Variants in RABGAP1L observed in about 807,000 individuals in gnomAD.
RABGAP1L encodes rab GTPase-activating protein 1-like.
Under a neutral mutation model 137.7 loss-of-function variants are expected in RABGAP1L, and 63 were observed. That is an observed-to-expected ratio of 0.46 (90% confidence interval 0.37 to 0.56). RABGAP1L has a LOEUF of 0.56. RABGAP1L is among the 20% of genes least tolerant of loss of function. The pLI, the probability that RABGAP1L is intolerant of heterozygous loss-of-function variation, is 0.00. For missense variants in RABGAP1L, 1,095 were observed against 1,244.0 expected (o/e 0.88, Z 1.80); for synonymous variants, 431 against 433.7 (o/e 0.99, Z 0.08).
intron 19 of RABGAP1L, among the ~76,000 whole-genome samples, chr1:174,885,701 C>T (rs1274594067): frequency 6.6e-6 from 1 of 151,644 alleles, no homozygotes; most frequent in Non-Finnish European, 1.5e-5. Flanking sequence ...GGCGTAGTTG[C>T]TCACGCCTGT....
At chr1:174,988,920 T>C in intron 25 of RABGAP1L, 82 bp downstream of exon 25, 2 of 1,267,546 alleles carry the variant, frequency 1.6e-6, no homozygotes, top group Non-Finnish European at 2.1e-6. Flanking sequence ...AATACACCTA[T>C]CTAGGTCAGA....
At chr1:174,729,711 T>A (rs1682300404) in intron 17 of RABGAP1L, among the ~76,000 whole-genome samples, 1 of 151,960 alleles carries the variant, frequency 6.6e-6, no homozygotes, top group Non-Finnish European at 1.5e-5. Context: ...CCAAAAGACA[T>A]GAAAAAATGC....
intron 13 of RABGAP1L, among the ~76,000 whole-genome samples, chr1:174,581,286 C>T (rs753092411): frequency 6.6e-6 from 1 of 152,092 alleles, no homozygotes; most frequent in African/African-American, 2.4e-5. Flanking sequence ...TCATAAAGTG[C>T]TGAAGAAATA....
chr1:174,904,996 C>T (rs188558969), intron 19 of RABGAP1L, among the ~76,000 whole-genome samples: 147 of 152,240 alleles, frequency 9.7e-4, no homozygotes, highest in African/African-American at 3.4e-3. Flanking sequence ...CCTTCTCACA[C>T]TGCTGGGATA....
chr1:174,616,220 G>C (rs980578052), intron 13 of RABGAP1L, among the ~76,000 whole-genome samples: 5 of 152,268 alleles, frequency 3.3e-5, no homozygotes, highest in Middle Eastern at 3.4e-3. Context: ...GCCATTTTGG[G>C]TGCCCCCCGT....
chr1:174,255,253 T>C (rs890969779), intron 7 of RABGAP1L, among the ~76,000 whole-genome samples: 4 of 152,322 alleles, frequency 2.6e-5, no homozygotes, highest in South Asian at 4.1e-4. Flanking sequence ...GCTGAAGATA[T>C]CGTATTTTTG....
At chr1:174,524,192 G>T (rs1663672814) in intron 13 of RABGAP1L, among the ~76,000 whole-genome samples, 1 of 147,872 alleles carries the variant, frequency 6.8e-6, no homozygotes, top group Non-Finnish European at 1.5e-5. Context: ...TATTGTTGTT[G>T]TTGTTGTTGT....
chr1:174,576,579 G>A (rs746105525), intron 13 of RABGAP1L, among the ~76,000 whole-genome samples: 1 of 152,100 alleles, frequency 6.6e-6, no homozygotes, highest in Admixed American at 6.5e-5. Flanking sequence ...ATAATCAGAA[G>A]CATTTCATCT....
At chr1:174,554,128 T>C (rs1666729352) in intron 13 of RABGAP1L, among the ~76,000 whole-genome samples, 1 of 152,196 alleles carries the variant, frequency 6.6e-6, no homozygotes, top group South Asian at 2.1e-4. Flanking sequence ...TGAAAATGAA[T>C]TGATTTAAGG....
At position 174,820,846 on chromosome 1, in the gene RABGAP1L, G is replaced by A. The variant is rs116026255; in HGVS notation, c.2340+8886G>A. 3.5e-3 allele frequency among the ~76,000 whole-genome samples: 527 copies of A among 151,976 alleles called. 2 individuals are homozygous for A. Among genetic ancestry groups the A allele is most frequent in the Non-Finnish European group, 5.1e-3 (346 of 67,952 alleles). On this transcript the variant is annotated intron_variant, in intron 19 of 25. Transcript: ENST00000681986. ...AGCCTGGCCAACATGGTGAAAACCC[G>A]TATCTACTAAAATACAAAAATTTCC...
chr1:174,513,849 A>G (rs1461000210), intron 13 of RABGAP1L, among the ~76,000 whole-genome samples: 1 of 152,206 alleles, frequency 6.6e-6, no homozygotes, highest in Non-Finnish European at 1.5e-5. Flanking sequence ...TATAGTACAA[A>G]TAACATCTTT....
chr1:174,196,373 G>A (rs532041472), intron 1 of RABGAP1L, among the ~76,000 whole-genome samples: 55 of 151,268 alleles, frequency 3.6e-4, no homozygotes, highest in Non-Finnish European at 6.3e-4. Flanking sequence ...ACAGGTGCCC[G>A]CCACCACGCC....
intron 13 of RABGAP1L, among the ~76,000 whole-genome samples, chr1:174,611,308 A>C (rs555705236): frequency 0.14 from 21,430 of 151,544 alleles, 5,105 homozygotes; most frequent in African/African-American, 0.49. Context: ...TTTATTAAAT[A>C]GGGAATCCTT....
chr1:174,552,628 A>G (rs1666626204), intron 13 of RABGAP1L, among the ~76,000 whole-genome samples: 1 of 152,184 alleles, frequency 6.6e-6, no homozygotes, highest in Non-Finnish European at 1.5e-5. Flanking sequence ...TCTATCACTG[A>G]TGGGCATTTA....
intron 13 of RABGAP1L, among the ~76,000 whole-genome samples, chr1:174,456,346 C>G (rs1656037560): frequency 6.6e-6 from 1 of 152,050 alleles, no homozygotes; most frequent in African/African-American, 2.4e-5. Context: ...ATTCTAAACA[C>G]TATAACCTTA....
intron 19 of RABGAP1L, among the ~76,000 whole-genome samples, chr1:174,916,891 T>A (rs1660970950): frequency 6.6e-6 from 1 of 152,226 alleles, no homozygotes; most frequent in South Asian, 2.1e-4. Context: ...CAACTCGGAC[T>A]GCCATAACCA....
At chr1:174,317,401 G>A (rs1679482019) in intron 11 of RABGAP1L, among the ~76,000 whole-genome samples, 2 of 152,064 alleles carry the variant, frequency 1.3e-5, no homozygotes, top group South Asian at 4.1e-4. Context: ...TCAAGGCAGT[G>A]GGTTCCCTTT....
Position 174,957,484 on chromosome 1 carries a change from G to T in RABGAP1L, c.2368G>T (p.Glu790Ter). Residue 790 changes from glutamate (E) to a stop codon, truncating the protein, a stop_gained, in exon 20 of 26, where the codon GAG (glutamate) becomes TAG (stop). Transcript: ENST00000681986. LOFTEE classifies it high-confidence loss of function. ...KVPTKKLKKY[E>*]KEYQTMRESQ... ...ACCAACCAAGAAGCTGAAGAAATAT[G>T]AGAAAGAATATCAGACAATGCGAGA... The T allele has an allele frequency of 1.2e-6, 2 of 1,613,666 alleles. No individual in the cohort carries two copies. Among genetic ancestry groups the T allele is most frequent in the Non-Finnish European group, 1.7e-6 (2 of 1,179,630 alleles).
chr1:174,957,988 C>G, intron 20 of RABGAP1L: 3 of 1,563,724 alleles, frequency 1.9e-6, no homozygotes, highest in Non-Finnish European at 2.6e-6. Context: ...TGGCTTTCTA[C>G]TTTCAAAAAT....
Sources: gnomAD v4.1 joint callset for allele counts (sites outside exome capture counted in the v4.1 genomes callset) on GRCh38, gnomAD v4.1.1 for gene constraint, MANE v1.5 for transcripts, NCBI Gene and HGNC (gene_info 2026-07-23, HGNC 2026-07-21) for gene names.